Variants in CDHR4 observed in about 807,000 individuals in gnomAD.
CDHR4 encodes the protein cadherin-related family member 4.
CDHR4 carries 89 observed loss-of-function variants against 88.4 expected under a neutral mutation model. The observed-to-expected ratio is 1.01, with a 90% CI of 0.85 to 1.20. The LOEUF (loss-of-function observed/expected upper bound fraction) is 1.20, where lower values mean the gene tolerates loss of function less well. CDHR4 is among the 50% of genes most tolerant of loss of function. The pLI, the probability that CDHR4 is intolerant of heterozygous loss-of-function variation, is 0.00. For synonymous variants in CDHR4, 368 were observed against 399.2 expected (o/e 0.92, Z 0.93); for missense variants, 914 against 1,007.2 (o/e 0.91, Z 1.25).
At chr3:49,794,481 G>T (rs942976661) in intron 10 of CDHR4, 127 bp downstream of exon 10, 1 of 710,676 alleles carries the variant, frequency 1.4e-6, no homozygotes, top group Non-Finnish European at 2.4e-6. Flanking sequence ...TATCTTCAGG[G>T]TCTGAAATGG....
At chr3:49,791,525 A>G (rs1372650297) in intron 17 of CDHR4, 57 bp from the exon 18 acceptor site, 16 of 1,535,840 alleles carry the variant, frequency 1.0e-5, no homozygotes, top group Non-Finnish European at 1.4e-5. Flanking sequence ...ACAGGGGAGC[A>G]GATGAAGGCC....
At chr3:49,799,887 G>A (rs1183166493), upstream of CDHR4, 29 of 1,535,154 alleles carry the variant, frequency 1.9e-5, no homozygotes, top group Non-Finnish European at 2.6e-5. Flanking sequence ...CTGTTGCCAG[G>A]TCAGTTGCTC....
chr3:49,790,939 G>A, intron 18 of CDHR4, 52 bp from the exon 19 acceptor site: 1 of 1,410,018 alleles, frequency 7.1e-7, no homozygotes, highest in Non-Finnish European at 9.7e-7. Flanking sequence ...GGCCCCAGAA[G>A]AACTGCCTCC....
chr3:49,799,573 C>A, intron 1 of CDHR4, 136 bp from the exon 2 acceptor site: 2 of 1,141,658 alleles, frequency 1.8e-6, no homozygotes, highest in African/African-American at 1.6e-5. Flanking sequence ...TTGTATCCAG[C>A]ATCCAGCATT....
At chr3:49,794,579 G>A in intron 10 of CDHR4, 29 bp downstream of exon 10, 1 of 1,523,148 alleles carries the variant, frequency 6.6e-7, no homozygotes, top group East Asian at 2.5e-5. Context: ...GCCTTGTCCT[G>A]GGTGTCCAGG....
upstream of CDHR4, among the ~76,000 whole-genome samples, chr3:49,801,590 A>G (rs2081362275): frequency 6.6e-6 from 1 of 152,184 alleles, no homozygotes; most frequent in Admixed American, 6.5e-5. Flanking sequence ...TCCATAAATG[A>G]TCATTGGATT....
In CDHR4 at chr3:49,796,024, A is replaced by G. The variant is rs1167126161; in HGVS notation, c.629T>C (p.Val210Ala). 1.0e-5 allele frequency: 16 copies of G among 1,534,032 alleles called. No homozygotes were observed. In the East Asian group the frequency reaches 3.9e-4, roughly 38 times the overall value. The part of the protein sequence containing the change: ...AQKVFQLQIS[V>A]SFGQRQSCQG... Reference sequence around the variant, plus strand: ...GCAGCTTTGCCTTTGTCCAAAGGACACTGAGATTTGCAGCTGGAAGACCTG... The same window carrying G: ...GCAGCTTTGCCTTTGTCCAAAGGACGCTGAGATTTGCAGCTGGAAGACCTG... The change falls in exon 6 of 19, where the codon GTG (valine) becomes GCG (alanine). Residue 210 changes from valine (V) to alanine (A), a missense_variant. Transcript: ENST00000412678.
intron 12 of CDHR4, 83 bp downstream of exon 12, chr3:49,793,500 G>C (rs761322878): frequency 6.6e-7 from 1 of 1,512,124 alleles, no homozygotes; most frequent in Non-Finnish European, 8.9e-7. Context: ...CCAAGGCACA[G>C]AGTGGAAAAG....
chr3:49,792,022 G>A lies in CDHR4; in HGVS notation c.2139-63C>T. The A allele has an allele frequency of 3.4e-6, 5 of 1,475,882 alleles. No homozygotes were observed. In the South Asian group the frequency reaches 6.1e-5, roughly 18 times the overall value. The allele number at this position is 1,475,882 out of a possible 1,614,324, so 91.4% of individuals were successfully genotyped here. On this transcript the variant is annotated intron_variant, in intron 15 of 18. Coordinates refer to ENST00000412678, the MANE Select transcript of CDHR4 (RefSeq NM_001007540.4). ...GCAGGCCTACTGGCTCCAGGAATCA[G>A]CACCATTCACCCATTCCTTTATATT...
At position 49,791,725 on chromosome 3, in the gene CDHR4, C is replaced by T; in HGVS notation, c.2272G>A (p.Val758Ile). The change falls in exon 17 of 19, where the codon GTC (valine) becomes ATC (isoleucine). Residue 758 changes from valine to isoleucine, a missense_variant. Coordinates refer to ENST00000412678, the MANE Select transcript of CDHR4 (RefSeq NM_001007540.4). Reference sequence around the variant, plus strand: ...GTGAGCTGACATACCAGACTCATGACACTGCTGGGTGCCTGGGACATCTCC... The same window carrying T: ...GTGAGCTGACATACCAGACTCATGATACTGCTGGGTGCCTGGGACATCTCC... ...KMEMSQAPSS[V>I]MSLHFDGRAQ... 1 of 1,551,646 alleles carries T rather than the reference C, an allele frequency of 6.4e-7. No homozygotes were observed. Among genetic ancestry groups the T allele is most frequent in the Non-Finnish European group, 8.7e-7 (1 of 1,146,954 alleles).
rs1575341762 is a variant in CDHR4, at chr3:49,792,559, G to T, written c.2047C>A (p.Gln683Lys). 31 of 1,551,674 alleles carry T rather than the reference G, an allele frequency of 2.0e-5. No homozygotes were observed. Among genetic ancestry groups the T allele is most frequent in the Non-Finnish European group, 2.7e-5 (31 of 1,146,982 alleles). ...ACCACCACAAACCAGGGCTGTGGCT[G>T]CCAGAAAGCCTCTGTGTCTGTCACG... Reference protein sequence around the residue: ...MLVTDTEAFWQPQPWFVVVLT... With the variant: ...MLVTDTEAFWKPQPWFVVVLT... The change falls in exon 15 of 19, where the codon CAG becomes AAG. Residue 683 changes from glutamine (Q) to lysine (K), a missense_variant. Coordinates refer to ENST00000412678, the MANE Select transcript of CDHR4 (RefSeq NM_001007540.4).
At position 49,797,019 on chromosome 3, in the gene CDHR4, C is replaced by G. The variant is rs1372128995; in HGVS notation, c.509G>C (p.Ser170Thr). The change falls in exon 5 of 19, where the codon AGT becomes ACT. Residue 170 changes from serine (S) to threonine (T), a missense_variant. By Grantham distance (58) the Ser-to-Thr change is moderately conservative (BLOSUM62 1). Transcript: ENST00000412678. ...AGGGAAGTGTGGCAGGTCCTGGGCACTGATAATGCTCATCTGACAGAACAG... is the reference window on the plus strand; with the variant it reads ...AGGGAAGTGTGGCAGGTCCTGGGCAGTGATAATGCTCATCTGACAGAACAG... ...ELHGAQMSII[S>T]AQDLPHFPGP... The G allele has an allele frequency of 6.4e-7, 1 of 1,551,606 alleles. No homozygotes were observed. The highest frequency in any genetic ancestry group is 1.2e-5 in the South Asian group (1 of 84,056).
chr3:49,793,748 C>T lies in CDHR4; in HGVS notation c.1484-26G>A, dbSNP rs1443037368. 5 of 1,551,460 alleles carry T rather than the reference C, an allele frequency of 3.2e-6. No individual in the cohort carries two copies. The South Asian group carries it at 5.9e-5, about 18-fold the overall frequency. On this transcript the variant is annotated intron_variant, in intron 11 of 18. Coordinates refer to ENST00000412678, the MANE Select transcript of CDHR4 (RefSeq NM_001007540.4). ...CTAGAGGGGGAGACCACAGCTTCAG[C>T]CTGCAGGGCCAACTCTGGCTCCCTG... is the stretch of plus-strand genomic sequence containing the variant.
chr3:49,792,674 A>C (rs1399026580), intron 14 of CDHR4, 64 bp from the exon 15 acceptor site: 1 of 1,539,368 alleles, frequency 6.5e-7, no homozygotes, highest in African/African-American at 1.4e-5. Context: ...CAGCCTTCCA[A>C]CCCTTCCCCG....
intron 4 of CDHR4, among the ~76,000 whole-genome samples, chr3:49,797,353 A>G (rs566677102): frequency 3.3e-5 from 5 of 150,706 alleles, no homozygotes; most frequent in Admixed American, 6.6e-5. Flanking sequence ...ATCTCAGCTC[A>G]CTGCAACCTC....
intron 18 of CDHR4, 48 bp downstream of exon 18, chr3:49,791,393 T>G (rs972010363): frequency 2.0e-6 from 3 of 1,518,786 alleles, no homozygotes; most frequent in Middle Eastern, 1.7e-4. Context: ...GATACTCAGA[T>G]GGGGTGAGGG....
chr3:49,799,876 CCT>C, upstream of CDHR4: 1 of 1,583,476 alleles, frequency 6.3e-7, no homozygotes, highest in Non-Finnish European at 8.7e-7. Context: ...TCTGACTCAC[CCT>C]GTTGCCAGGT....
rs2081223589 is a variant in CDHR4 at position 49,793,886 on chromosome 3, C to T, written c.1400G>A (p.Gly467Asp). 2 of 1,551,648 alleles carry T rather than the reference C, an allele frequency of 1.3e-6. No homozygotes were observed. The highest frequency in any genetic ancestry group is 1.7e-6 in the Non-Finnish European group (2 of 1,147,000). The change falls in exon 11 of 19, where the codon GGC becomes GAC. Residue 467 changes from glycine (G) to aspartate (D), a missense_variant. Coordinates refer to ENST00000412678, the MANE Select transcript of CDHR4 (RefSeq NM_001007540.4). ...APHTLLGSVVGTDMDYPHDNI... is the reference protein window; with the variant it reads ...APHTLLGSVVDTDMDYPHDNI... ...GTCATGAGGGTAATCCATATCCGTG[C>T]CCACCACGGAGCCCAGTAGAGTGTG...
intron 4 of CDHR4, chr3:49,798,587 CAAAAAAA>C: frequency 1.7e-5 from 7 of 402,158 alleles, no homozygotes; most frequent in Non-Finnish European, 2.5e-5. Flanking sequence ...GACTCCGTCT[CAAAAAAA>C]AAAAAAAAAA....
Sources: allele counts gnomAD v4.1 joint callset (sites outside exome capture counted in the v4.1 genomes callset), GRCh38; gene constraint gnomAD v4.1.1; transcripts MANE v1.5; gene names NCBI Gene and HGNC (gene_info 2026-07-23, HGNC 2026-07-21).